The following CREBBP variants were observed in gnomAD, a reference collection of about 807,000 sequenced individuals.
CREBBP encodes the protein CREB binding lysine acetyltransferase, also known as CREB-binding protein.
In CREBBP, 19 loss-of-function variants were observed where a neutral mutation model predicts 265.0. That is an observed-to-expected ratio of 0.07 (90% CI 0.05 to 0.11). The LOEUF (loss-of-function observed/expected upper bound fraction) is 0.11, where lower values mean the gene tolerates loss of function less well. CREBBP is among the 10% of genes least tolerant of loss of function. The pLI is 1.00. For missense variants in CREBBP, 2,525 were observed against 3,219.0 expected (o/e 0.78, Z 5.22); for synonymous variants, 1,457 against 1,223.7 (o/e 1.19, Z -3.98).
Position 3,782,821 on chromosome 16 carries a change from C to G in CREBBP, c.1436G>C (p.Ser479Thr), listed in dbSNP as rs1338200532. Residue 479 changes from serine (S) to threonine (T), a missense_variant, in exon 6 of 31, where the codon AGC becomes ACC. This residue lies in a region of CREBBP where 48 missense variants were observed against 70.2 expected (regional missense o/e 0.68). Coordinates refer to ENST00000262367, the MANE Select transcript of CREBBP (RefSeq NM_004380.3). ...AGCAGCATAGGCTCGCTGCATGGAG[C>G]TGGGGTCTATGGGATTTGGGTTACT... The part of the protein sequence containing the change: ...SLSNPNPIDP[S>T]SMQRAYAALG... The G allele has an allele frequency of 3.7e-6, 6 of 1,614,122 alleles. No homozygotes were observed. Among genetic ancestry groups the G allele is most frequent in the Non-Finnish European group, 5.1e-6 (6 of 1,180,020 alleles).
chr16:3,862,589 G>A (rs2055099808), intron 1 of CREBBP, among the ~76,000 whole-genome samples: 1 of 152,218 alleles, frequency 6.6e-6, no homozygotes, highest in African/African-American at 2.4e-5. Context: ...CGATATTTAA[G>A]TGGACATTAA....
At chr16:3,813,657 C>A (rs981464268) in intron 2 of CREBBP, among the ~76,000 whole-genome samples, 1 of 152,138 alleles carries the variant, frequency 6.6e-6, no homozygotes, top group African/African-American at 2.4e-5. Flanking sequence ...TGACAGAACA[C>A]CCACACTCAT....
intron 2 of CREBBP, among the ~76,000 whole-genome samples, chr16:3,849,420 T>TGTGTGTGTG (rs2054743966): frequency 1.5e-4 from 1 of 6,784 alleles, no homozygotes; most frequent in African/African-American, 1.7e-4. Flanking sequence ...TGTGTGTGTG[T>TGTGTGTGTG]GTGTGTGTGT....
chr16:3,737,345 C>T (rs945745186), intron 26 of CREBBP, among the ~76,000 whole-genome samples: 4 of 152,156 alleles, frequency 2.6e-5, no homozygotes. Context: ...GTTCCGTTTA[C>T]ACAAAGGATT....
chr16:3,787,339 CA>C (rs989748975), intron 5 of CREBBP, among the ~76,000 whole-genome samples: 9 of 152,210 alleles, frequency 5.9e-5, no homozygotes, highest in African/African-American at 1.9e-4. Flanking sequence ...GGCGCAGTGA[CA>C]CTGCTCCTTG....
chr16:3,863,480 G>A (rs891272570), intron 1 of CREBBP, among the ~76,000 whole-genome samples: 1 of 152,094 alleles, frequency 6.6e-6, no homozygotes, highest in Non-Finnish European at 1.5e-5. Flanking sequence ...GTGGGTGCCT[G>A]TAATCCTAGC....
intron 9 of CREBBP, 88 bp downstream of exon 9, chr16:3,778,612 C>T: frequency 8.9e-7 from 1 of 1,120,978 alleles, no homozygotes; most frequent in African/African-American, 1.5e-5. Context: ...TACATAGATT[C>T]CACTATTTCC....
At chr16:3,839,449 G>T (rs1053068740) in intron 2 of CREBBP, among the ~76,000 whole-genome samples, 6 of 152,140 alleles carry the variant, frequency 3.9e-5, no homozygotes, top group Non-Finnish European at 8.8e-5. Flanking sequence ...GGGAGGCTGA[G>T]GCAGGCGGAT....
chr16:3,862,675 A>G (rs2055101307), intron 1 of CREBBP, among the ~76,000 whole-genome samples: 1 of 152,082 alleles, frequency 6.6e-6, no homozygotes, highest in Admixed American at 6.5e-5. Context: ...TCAGATCCAC[A>G]TACCTACCAA....
intron 16 of CREBBP, among the ~76,000 whole-genome samples, chr16:3,765,598 C>T (rs749707570): frequency 6.6e-6 from 1 of 152,206 alleles, no homozygotes. Context: ...ATAAAAAAAT[C>T]AAATGCTTTG....
chr16:3,798,647 A>G (rs908249207), intron 3 of CREBBP, among the ~76,000 whole-genome samples: 5 of 152,336 alleles, frequency 3.3e-5, no homozygotes, highest in South Asian at 4.1e-4. Context: ...CACCCACCAC[A>G]TGGCTATAAT....
intron 1 of CREBBP, among the ~76,000 whole-genome samples, chr16:3,853,090 T>G (rs981769553): frequency 6.6e-6 from 1 of 152,160 alleles, no homozygotes; most frequent in African/African-American, 2.4e-5. Context: ...ATTAGTGATG[T>G]GACCTTGGTA....
At chr16:3,837,726 TTAAGC>T (rs1483442384) in intron 2 of CREBBP, among the ~76,000 whole-genome samples, 2 of 151,886 alleles carry the variant, frequency 1.3e-5, no homozygotes, top group African/African-American at 4.8e-5. Flanking sequence ...GTTTAGTGTT[TTAAGC>T]TAAGTGTTAA....
In CREBBP at chr16:3,770,970, G is replaced by A. The variant is rs746135408; in HGVS notation, c.2480C>T (p.Ala827Val). ...TGVSQGQVPG[A>V]ALPNPLNMLG... Reference sequence around the variant, plus strand: ...CATGTTGAGAGGGTTAGGAAGAGCAGCACCAGGCACCTGTCCCTACCAGAA... The same window carrying A: ...CATGTTGAGAGGGTTAGGAAGAGCAACACCAGGCACCTGTCCCTACCAGAA... Residue 827 changes from alanine to valine, a missense_variant, in exon 14 of 31, where the codon GCT (alanine) becomes GTT (valine). Physicochemically the swap from Ala to Val is moderately conservative, Grantham distance 64. Transcript: ENST00000262367. 2.5e-6 allele frequency: 4 copies of A among 1,613,500 alleles called. No homozygotes were observed. The highest frequency in any genetic ancestry group is 3.4e-6 in the Non-Finnish European group (4 of 1,180,008).
intron 20 of CREBBP, among the ~76,000 whole-genome samples, chr16:3,750,754 G>C (rs1051088817): frequency 4.6e-5 from 7 of 152,198 alleles, no homozygotes; most frequent in African/African-American, 1.7e-4. Flanking sequence ...AACACATTTA[G>C]ACTTTAGGCC....
Position 3,740,526 on chromosome 16 carries a change from T to A in CREBBP, c.4006A>T (p.Asn1336Tyr), listed in dbSNP as rs2151341101. ...TTGTTCACTCGGTCTTCCAAGTGGT[T>A]TCCCAGTCTTGTGGTCTGCAGCCCT... ...AKRLQTTRLG[N>Y]HLEDRVNKFL... Residue 1336 changes from asparagine to tyrosine, a missense_variant, in exon 24 of 31, where the codon AAC (asparagine) becomes TAC (tyrosine). Physicochemically the swap from Asn to Tyr is moderately radical, Grantham distance 143. This residue lies in a region of CREBBP where 252 missense variants were observed against 452.5 expected (regional missense o/e 0.56). Transcript: ENST00000262367. 6.2e-7 allele frequency: 1 copy of A among 1,614,182 alleles called. No individual in the cohort carries two copies. Among genetic ancestry groups the A allele is most frequent in the Non-Finnish European group, 8.5e-7 (1 of 1,180,018 alleles).
At chr16:3,737,139 T>A in intron 26 of CREBBP, 1 of 462,092 alleles carries the variant, frequency 2.2e-6, no homozygotes, top group South Asian at 2.1e-5. Flanking sequence ...CTTCCTCCTG[T>A]GCACTGTAAA....
chr16:3,738,095 A>AT (rs2052114393), intron 26 of CREBBP, among the ~76,000 whole-genome samples: 1 of 151,294 alleles, frequency 6.6e-6, no homozygotes. Context: ...CTTTTTTTTA[A>AT]TTTTTAGTAG....
chr16:3,850,233 G>A (rs1204846707), intron 2 of CREBBP, 64 bp downstream of exon 2: 6 of 1,543,900 alleles, frequency 3.9e-6, no homozygotes, highest in Admixed American at 1.7e-5. Flanking sequence ...CCCATTTTAC[G>A]CATTACTCGG....
Sources: allele counts gnomAD v4.1 joint callset (sites outside exome capture counted in the v4.1 genomes callset), GRCh38; gene constraint gnomAD v4.1.1; regional missense constraint gnomAD v4.1.1; transcripts MANE v1.5; gene names NCBI Gene and HGNC (gene_info 2026-07-23, HGNC 2026-07-21).